Variants in AP3M2 observed in about 807,000 individuals in gnomAD.
AP3M2 encodes the protein adaptor related protein complex 3 subunit mu 2.
A neutral mutation model predicts 41.6 loss-of-function variants in AP3M2; 28 were observed. The observed-to-expected ratio is 0.67, with a 90% CI of 0.50 to 0.92. AP3M2 has a LOEUF of 0.92. Ranked by LOEUF, AP3M2 falls within the 40% of genes least tolerant of loss-of-function variation. AP3M2 has a pLI of 0.00. For missense variants in AP3M2, 427 were observed against 521.4 expected (o/e 0.82, Z 1.76); for synonymous variants, 193 against 186.4 (o/e 1.04, Z -0.29).
chr8:42,154,942 A>T lies in AP3M2; in HGVS notation c.255A>T (p.Arg85=). 6.2e-7 allele frequency: 1 copy of T among 1,613,956 alleles called. No individual in the cohort carries two copies. Among genetic ancestry groups the T allele is most frequent in the African/African-American group, 1.3e-5 (1 of 75,004 alleles). ...PPLFVIEFLH[R]VVDTFQDYFG... is the part of the protein sequence containing the mutation. Reference sequence around the variant, plus strand: ...TGTTTGTCATTGAGTTTCTTCACCGAGTGGTGGACACATTTCAGGTTCGTG... The same window carrying T: ...TGTTTGTCATTGAGTTTCTTCACCGTGTGGTGGACACATTTCAGGTTCGTG... The change falls in exon 2 of 9, where the codon CGA becomes CGT. Residue 85 remains arginine, a synonymous_variant. Coordinates refer to ENST00000396926, the MANE Select transcript of AP3M2 (RefSeq NM_006803.4).
chr8:42,165,315 G>C (rs1461584851), intron 5 of AP3M2, 112 bp from the exon 6 acceptor site: 2 of 1,094,862 alleles, frequency 1.8e-6, no homozygotes, highest in Non-Finnish European at 1.3e-6. Context: ...CATGATTTCT[G>C]TGTGTGTGTG....
Position 42,154,913 on chromosome 8 carries a change from CCT to C in AP3M2, c.229_230del (p.Leu77ValfsTer4), listed in dbSNP as rs769615175. 6 of 1,614,116 alleles carry C rather than the reference CCT, an allele frequency of 3.7e-6. No homozygotes were observed. The highest frequency in any genetic ancestry group is 1.7e-5 in the Admixed American group (1 of 60,024). ...FVAVIQTEVP[P>X]LFVIEFLHRV... ...GGCCGTGATCCAGACGGAGGTCCCCCCTCTGTTTGTCATTGAGTTTCTTCACC... is the reference window on the plus strand; with the variant it reads ...GGCCGTGATCCAGACGGAGGTCCCCCCTGTTTGTCATTGAGTTTCTTCACC... On this transcript the variant is annotated frameshift_variant, in exon 2 of 9. Coordinates refer to ENST00000396926, the MANE Select transcript of AP3M2 (RefSeq NM_006803.4). LOFTEE classifies it high-confidence loss of function.
chr8:42,167,696 C>T lies in AP3M2; in HGVS notation c.1042C>T (p.Pro348Ser), dbSNP rs1162020175. 1.9e-6 allele frequency: 3 copies of T among 1,612,074 alleles called. No individual in the cohort carries two copies. The highest frequency in any genetic ancestry group is 2.5e-6 in the Non-Finnish European group (3 of 1,179,520). ...GTCTTGGGATGTAGGAAAAATAAATCCACAAAAGCTACCAAGTTTGAAGGG... is the reference window on the plus strand; with the variant it reads ...GTCTTGGGATGTAGGAAAAATAAATTCACAAAAGCTACCAAGTTTGAAGGG... ...MLSWDVGKIN[P>S]QKLPSLKGTM... The change falls in exon 8 of 9, where the codon CCA becomes TCA. Residue 348 changes from proline to serine, a missense_variant. Physicochemically the swap from Pro to Ser is moderately conservative, Grantham distance 74. Around this residue, in one of 3 missense-constraint regions of AP3M2, gnomAD observed 237 missense variants for 284.9 expected, o/e 0.83. Coordinates refer to ENST00000396926, the MANE Select transcript of AP3M2 (RefSeq NM_006803.4).
At chr8:42,162,546 A>G in intron 4 of AP3M2, 128 bp downstream of exon 4, 1 of 1,106,992 alleles carries the variant, frequency 9.0e-7, no homozygotes, top group Non-Finnish European at 1.3e-6. Context: ...ACTTTGTGCC[A>G]GGCACTGTGC....
intron 6 of AP3M2, among the ~76,000 whole-genome samples, chr8:42,166,750 G>A (rs956913425): frequency 1.3e-5 from 2 of 151,774 alleles, no homozygotes; most frequent in East Asian, 1.9e-4. Flanking sequence ...CAGGCTGACC[G>A]AGCCAGACCC....
chr8:42,162,363 CAAT>C lies in AP3M2; in HGVS notation c.529_531del (p.Asn177del), dbSNP rs1484011566. 1.2e-6 allele frequency: 2 copies of C among 1,613,484 alleles called. No homozygotes were observed. The highest frequency in any genetic ancestry group is 8.5e-7 in the Non-Finnish European group (1 of 1,179,726). ...GACGGACTGGGGTGAAATATACCAA[CAAT>C]GAGGCCTATTTTGATGTGATTGAAG... On this transcript the variant is annotated inframe_deletion, in exon 4 of 9. Coordinates refer to ENST00000396926, the MANE Select transcript of AP3M2 (RefSeq NM_006803.4).
Position 42,154,400 on chromosome 8 carries a change from A to G in AP3M2, c.-72-216A>G, listed in dbSNP as rs536578263. The stretch of plus-strand genomic sequence containing the variant: ...GATAAGTAGTATTTTAAATGGATGC[A>G]ATTTGGGCGATAGTAAAGATAACTG... On this transcript the variant is annotated intron_variant, in intron 1 of 8. Coordinates refer to ENST00000396926, the MANE Select transcript of AP3M2 (RefSeq NM_006803.4). The G allele has an allele frequency of 1.8e-5, 6 of 330,154 alleles. No homozygotes were observed. The South Asian group carries it at 2.8e-4, about 15-fold the overall frequency. The allele number at this position is 330,154 out of a possible 1,614,324, so 20.5% of individuals were successfully genotyped here.
chr8:42,155,985 T>C (rs1274471387), intron 2 of AP3M2: 3 of 456,180 alleles, frequency 6.6e-6, no homozygotes, highest in South Asian at 1.5e-5. Context: ...GTAGTACTAC[T>C]GTTCTGGAAT....
chr8:42,164,126 A>G (rs1221405113), intron 4 of AP3M2, among the ~76,000 whole-genome samples: 1 of 152,242 alleles, frequency 6.6e-6, no homozygotes, highest in Admixed American at 6.5e-5. Context: ...ACAGAGAGGA[A>G]TGCACAGACC....
In AP3M2 at chr8:42,154,860, G is replaced by A; in HGVS notation, c.173G>A (p.Ser58Asn). 3 of 1,614,110 alleles carry A rather than the reference G, an allele frequency of 1.9e-6. No homozygotes were observed. Among genetic ancestry groups the A allele is most frequent in the Non-Finnish European group, 2.5e-6 (3 of 1,180,016 alleles). ...VIPTPHHYLLSVYRHKIFFVA... is the reference protein window; with the variant it reads ...VIPTPHHYLLNVYRHKIFFVA... ...CCTACCCCTCACCACTATCTCTTAA[G>A]TGTTTACCGCCACAAGATCTTTTTT... is the stretch of plus-strand genomic sequence containing the variant. The change falls in exon 2 of 9, where the codon AGT becomes AAT. Residue 58 changes from serine to asparagine, a missense_variant. Around this residue, in one of 3 missense-constraint regions of AP3M2, gnomAD observed 104 missense variants for 93.8 expected, o/e 1.11. Coordinates refer to ENST00000396926, the MANE Select transcript of AP3M2 (RefSeq NM_006803.4).
At chr8:42,156,486 G>C (rs1255644523) in intron 2 of AP3M2, among the ~76,000 whole-genome samples, 2 of 152,166 alleles carry the variant, frequency 1.3e-5, no homozygotes, top group Non-Finnish European at 2.9e-5. Context: ...GCACTTGGCT[G>C]TATTGCGAGG....
intron 7 of AP3M2, 29 bp downstream of exon 7, chr8:42,167,400 C>T: frequency 3.1e-6 from 5 of 1,609,464 alleles, no homozygotes; most frequent in Non-Finnish European, 4.3e-6. Flanking sequence ...TCTTGAATTG[C>T]TGATGTTAAG....
At chr8:42,162,555 G>A in intron 4 of AP3M2, 137 bp downstream of exon 4, 1 of 971,372 alleles carries the variant, frequency 1.0e-6, no homozygotes, top group Non-Finnish European at 1.5e-6. Context: ...CAGGCACTGT[G>A]CTGGGTACTG....
Position 42,167,054 on chromosome 8 carries a change from T to A in AP3M2, c.804-110T>A, listed in dbSNP as rs1003411974. ...TTTTTTCAGATAAAAAGTAAGGACA[T>A]AGTTAAGGGAGAAGAAGCTACCCAC... is the stretch of plus-strand genomic sequence containing the variant. On this transcript the variant is annotated intron_variant, in intron 6 of 8. Transcript: ENST00000396926. The A allele has an allele frequency of 3.5e-6, 3 of 864,314 alleles. No individual in the cohort carries two copies. The African/African-American group carries it at 5.0e-5, about 15-fold the overall frequency. 53.5% of individuals were successfully genotyped at this position (864,314 alleles called of 1,614,324 possible).
At chr8:42,160,339 A>G (rs1804476448) in intron 3 of AP3M2, among the ~76,000 whole-genome samples, 1 of 152,226 alleles carries the variant, frequency 6.6e-6, no homozygotes, top group Non-Finnish European at 1.5e-5. Flanking sequence ...AATAGTCCAG[A>G]AACAGACCCT....
At chr8:42,165,834 G>C (rs142234829) in intron 6 of AP3M2, 30 of 330,356 alleles carry the variant, frequency 9.1e-5, no homozygotes, top group African/African-American at 6.0e-4. Flanking sequence ...TAAGTTTGCT[G>C]TTATTTTTGT....
chr8:42,155,970 A>G (rs1804343574), intron 2 of AP3M2: 4 of 455,720 alleles, frequency 8.8e-6, no homozygotes, highest in Non-Finnish European at 1.8e-5. Flanking sequence ...TCCCTGCAAT[A>G]CTCTGTAGTA....
At chr8:42,153,691 G>T (rs1371409385) in intron 1 of AP3M2, 5 of 151,956 alleles carry the variant, frequency 3.3e-5, no homozygotes, top group African/African-American at 1.2e-4. Flanking sequence ...GAGGGGGCGG[G>T]GTTCTCCCTC....
intron 3 of AP3M2, among the ~76,000 whole-genome samples, chr8:42,158,826 C>T (rs1356880754): frequency 6.7e-6 from 1 of 149,866 alleles, no homozygotes; most frequent in Non-Finnish European, 1.5e-5. Context: ...TGGCGTCTTG[C>T]TCTGTTGCCC....
Sources: gnomAD v4.1 joint callset for allele counts (sites outside exome capture counted in the v4.1 genomes callset) on GRCh38, gnomAD v4.1.1 for gene constraint, gnomAD v4.1.1 regional missense constraint, MANE v1.5 for transcripts, NCBI Gene and HGNC (gene_info 2026-07-23, HGNC 2026-07-21) for gene names.